Variants in GPC6 observed in about 807,000 individuals in gnomAD.
GPC6 encodes the protein glypican-6.
A neutral mutation model predicts 55.2 loss-of-function variants in GPC6; 14 were observed. The observed-to-expected ratio is 0.25, with a 90% CI of 0.17 to 0.40. The LOEUF is 0.40. Among genes scored for constraint, GPC6 ranks in the 10% least tolerant of loss-of-function variants. The probability of loss-of-function intolerance (pLI) is 1.00; values close to 1 mark genes in which losing one functional copy is unlikely to be tolerated. For synonymous variants in GPC6, 278 were observed against 259.6 expected (o/e 1.07, Z -0.68); for missense variants, 641 against 708.5 (o/e 0.90, Z 1.08).
chr13:93,819,061 C>A (rs1322148777), intron 2 of GPC6, among the ~76,000 whole-genome samples: 1 of 152,106 alleles, frequency 6.6e-6, no homozygotes, highest in African/African-American at 2.4e-5. Context: ...TGAATGCAGC[C>A]TGGGCATAAA....
At chr13:94,040,922 T>C (rs1883509159) in intron 4 of GPC6, among the ~76,000 whole-genome samples, 1 of 151,892 alleles carries the variant, frequency 6.6e-6, no homozygotes, top group Non-Finnish European at 1.5e-5. Flanking sequence ...CAGGATTCAT[T>C]TGATTTACAT....
chr13:93,612,500 A>AACACACACACACACACACACACACAC (rs3138575), intron 2 of GPC6, among the ~76,000 whole-genome samples: 5 of 139,366 alleles, frequency 3.6e-5, no homozygotes, highest in South Asian at 2.3e-4. Flanking sequence ...CTCCGTCTAA[A>AACACACACACACACACACACACACAC]ACACACACAC....
chr13:93,264,027 A>G (rs1238499295), intron 1 of GPC6, among the ~76,000 whole-genome samples: 1 of 151,996 alleles, frequency 6.6e-6, no homozygotes. Flanking sequence ...CTGTGTCTGT[A>G]GCTCCTGGCC....
intron 4 of GPC6, among the ~76,000 whole-genome samples, chr13:94,066,380 T>C (rs1166663984): frequency 6.6e-6 from 1 of 152,128 alleles, no homozygotes; most frequent in Non-Finnish European, 1.5e-5. Context: ...CTACTGTAAA[T>C]ATATAACTCA....
rs185098859 is a variant in GPC6, at chr13:94,221,169, T to C, written c.878-65180T>C. Among the ~76,000 whole-genome samples, 20 of 152,264 alleles carry C rather than the reference T, an allele frequency of 1.3e-4. No individual in the cohort carries two copies. In the East Asian group the frequency reaches 3.7e-3, roughly 28 times the overall value. Reference sequence around the variant, plus strand: ...CTGTATGACCCCCATGGAAATGTCTTGTTTTTAAAAGACCTATATCCATAA... The same window carrying C: ...CTGTATGACCCCCATGGAAATGTCTCGTTTTTAAAAGACCTATATCCATAA... On this transcript the variant is annotated intron_variant, in intron 4 of 8. Transcript: ENST00000377047.
chr13:94,312,715 C>T lies in GPC6; in HGVS notation c.1152+6592C>T, dbSNP rs546542471. Among the ~76,000 whole-genome samples, 21 of 122,260 alleles carry T rather than the reference C, an allele frequency of 1.7e-4. No homozygotes were observed. In the South Asian group the frequency reaches 3.4e-3, roughly 20 times the overall value. The allele number at this position is 122,260 out of a possible 152,430, so 80.2% of individuals were successfully genotyped here. A position where few individuals can be genotyped will look rare whatever the true frequency, so the allele number is the denominator to read the frequency against. ...ACACACGAAGACACACACGCACACG[C>T]GCACGCACACACACACACACACACA... On this transcript the variant is annotated intron_variant, in intron 6 of 8. Coordinates refer to ENST00000377047, the MANE Select transcript of GPC6 (RefSeq NM_005708.5).
intron 2 of GPC6, among the ~76,000 whole-genome samples, chr13:93,646,372 A>G (rs1471757215): frequency 6.6e-6 from 1 of 152,108 alleles, no homozygotes; most frequent in Non-Finnish European, 1.5e-5. Flanking sequence ...AAAACTGTGG[A>G]TTGTTTGCAA....
At chr13:94,303,123 T>A (rs1239866214) in intron 5 of GPC6, among the ~76,000 whole-genome samples, 5 of 152,190 alleles carry the variant, frequency 3.3e-5, no homozygotes, top group African/African-American at 1.2e-4. Context: ...GCTCCAGCCG[T>A]AACAAACACA....
intron 2 of GPC6, among the ~76,000 whole-genome samples, chr13:93,597,739 C>T (rs1877825238): frequency 6.6e-6 from 1 of 152,128 alleles, no homozygotes; most frequent in African/African-American, 2.4e-5. Context: ...CTCTAGCTCA[C>T]TGTATTGTGA....
At chr13:94,253,424 C>A (rs147740025) in intron 4 of GPC6, among the ~76,000 whole-genome samples, 1 of 152,048 alleles carries the variant, frequency 6.6e-6, no homozygotes, top group African/African-American at 2.4e-5. Flanking sequence ...TTTATCTCAA[C>A]GGTTCTTCTT....
intron 7 of GPC6, among the ~76,000 whole-genome samples, chr13:94,388,671 C>T (rs951951573): frequency 3.3e-5 from 5 of 152,172 alleles, no homozygotes; most frequent in African/African-American, 9.7e-5. Context: ...CTGGGAAGTC[C>T]AAGATCAGGG....
chr13:94,037,110 A>G (rs1883365963), intron 4 of GPC6, among the ~76,000 whole-genome samples: 1 of 152,030 alleles, frequency 6.6e-6, no homozygotes, highest in Non-Finnish European at 1.5e-5. Flanking sequence ...AGAGGACTTC[A>G]GGAATAATTT....
intron 4 of GPC6, among the ~76,000 whole-genome samples, chr13:94,136,334 A>G (rs564493327): frequency 2.5e-4 from 38 of 152,294 alleles, no homozygotes; most frequent in Middle Eastern, 3.4e-3. Context: ...ACAGTACAAG[A>G]GAGTGGCGAT....
intron 4 of GPC6, among the ~76,000 whole-genome samples, chr13:94,238,302 G>A (rs1179010005): frequency 1.3e-5 from 2 of 152,142 alleles, no homozygotes; most frequent in Non-Finnish European, 2.9e-5. Context: ...TCAAGGGTCT[G>A]GATGAGATCC....
chr13:93,996,307 A>C (rs1881552766), intron 3 of GPC6, among the ~76,000 whole-genome samples: 1 of 152,238 alleles, frequency 6.6e-6, no homozygotes, highest in South Asian at 2.1e-4. Context: ...CCTTTGGGAA[A>C]AGCTTCTGAT....
chr13:94,255,002 A>T (rs1891462265), intron 4 of GPC6, among the ~76,000 whole-genome samples: 1 of 152,182 alleles, frequency 6.6e-6, no homozygotes, highest in Non-Finnish European at 1.5e-5. Context: ...GTCAACAGTA[A>T]TTTTCATCAA....
rs59591951 is a variant in GPC6 at position 93,966,651 on chromosome 13, A to ATTTTT, written c.712-61063_712-61059dup. ...ACTATCAGTTTTGTTTGTTTCCTTC[A>ATTTTT]TTTTTTTTTTTTTTTTTTTGAGATG... On this transcript the variant is annotated intron_variant, in intron 3 of 8. Coordinates refer to ENST00000377047, the MANE Select transcript of GPC6 (RefSeq NM_005708.5). 4.4e-3 allele frequency among the ~76,000 whole-genome samples: 522 copies of ATTTTT among 118,764 alleles called. 28 individuals are homozygous for ATTTTT. The highest frequency in any genetic ancestry group is 0.013 in the African/African-American group (409 of 30,682). The allele number at this position is 118,764 out of a possible 152,430, so 77.9% of individuals were successfully genotyped here.
chr13:94,273,573 A>G (rs1402937146), intron 4 of GPC6, among the ~76,000 whole-genome samples: 1 of 152,186 alleles, frequency 6.6e-6, no homozygotes, highest in African/African-American at 2.4e-5. Context: ...TAAAATGGTG[A>G]AGCACGTGGA....
rs1479617705 is a variant in GPC6, at chr13:94,190,588, G to A, written c.878-95761G>A. Among the ~76,000 whole-genome samples, 3 of 152,146 alleles carry A rather than the reference G, an allele frequency of 2.0e-5. No individual in the cohort carries two copies. The South Asian group carries it at 6.2e-4, about 31-fold the overall frequency. ...TCATCCTGGGCTAAAGAAAATGGTT[G>A]AAAGGATTTGACTGGGTCAGTTGAC... On this transcript the variant is annotated intron_variant, in intron 4 of 8. Coordinates refer to ENST00000377047, the MANE Select transcript of GPC6 (RefSeq NM_005708.5).
Sources: allele counts gnomAD v4.1 joint callset (sites outside exome capture counted in the v4.1 genomes callset), GRCh38; gene constraint gnomAD v4.1.1; transcripts MANE v1.5; gene names NCBI Gene and HGNC (gene_info 2026-07-23, HGNC 2026-07-21).